KTN1: variants seen among roughly 807,000 people sequenced by gnomAD.
KTN1 encodes kinectin 1, also known as kinectin.
Under a neutral mutation model 222.5 loss-of-function variants are expected in KTN1, and 130 were observed. That is an observed-to-expected ratio of 0.58 (90% CI 0.51 to 0.68). KTN1 has a LOEUF of 0.68. Among genes scored for constraint, KTN1 ranks in the 30% least tolerant of loss-of-function variants. The pLI is 0.00. For missense variants in KTN1, 1,508 were observed against 1,500.4 expected, an observed-to-expected ratio of 1.01 and a Z score of -0.08; for synonymous variants, 512 against 496.3, an observed-to-expected ratio of 1.03 and a Z score of -0.42.
At chr14:55,678,742 C>A (rs1013026550) in intron 42 of KTN1, 1 of 304,116 alleles carries the variant, frequency 3.3e-6, no homozygotes, top group Non-Finnish European at 6.2e-6. Context: ...GGGTGAATGA[C>A]CATTGCCGCC....
chr14:55,620,133 C>G (rs2038943352), intron 5 of KTN1, among the ~76,000 whole-genome samples: 1 of 152,194 alleles, frequency 6.6e-6, no homozygotes, highest in Non-Finnish European at 1.5e-5. Context: ...AATCTTAAAG[C>G]TCCAATATGA....
chr14:55,591,239 AC>A (rs1385568390), intron 1 of KTN1, among the ~76,000 whole-genome samples: 1 of 152,172 alleles, frequency 6.6e-6, no homozygotes, highest in East Asian at 1.9e-4. Flanking sequence ...TATCAGGTAT[AC>A]TATTCCATGC....
rs192680645 is a variant in KTN1, at chr14:55,609,509, A to G, written c.-30-2510A>G. On this transcript the variant is annotated intron_variant, in intron 1 of 43. Transcript: ENST00000395314. ...GAAAGCTTGATTCCTTCACGCCTAT[A>G]TATGGGACCTGGGAAAGGAAACTAG... 4.3e-4 allele frequency among the ~76,000 whole-genome samples: 66 copies of G among 152,318 alleles called. 1 individual carries two copies. Among genetic ancestry groups the G allele is most frequent in the Middle Eastern group, 3.4e-3 (1 of 294 alleles).
intron 1 of KTN1, among the ~76,000 whole-genome samples, chr14:55,611,225 T>TACAG (rs1178365084): frequency 6.6e-6 from 1 of 151,630 alleles, no homozygotes; most frequent in Non-Finnish European, 1.5e-5. Flanking sequence ...TAGCTGGGAC[T>TACAG]ACAGGCTCAC....
At chr14:55,677,505 A>T (rs1338202239) in intron 41 of KTN1, among the ~76,000 whole-genome samples, 1 of 151,890 alleles carries the variant, frequency 6.6e-6, no homozygotes, top group African/African-American at 2.4e-5. Flanking sequence ...AGTTAATAAC[A>T]TACTTTGTAA....
chr14:55,593,460 G>T (rs374236589), intron 1 of KTN1, among the ~76,000 whole-genome samples: 1 of 77,910 alleles, frequency 1.3e-5, no homozygotes, highest in Admixed American at 1.3e-4. Flanking sequence ...AAAAAAAAAA[G>T]AAAACTTGTT....
intron 1 of KTN1, among the ~76,000 whole-genome samples, chr14:55,611,745 AT>A (rs1424613161): frequency 2.0e-5 from 3 of 152,104 alleles, no homozygotes; most frequent in South Asian, 4.1e-4. Flanking sequence ...GAATATTTAA[AT>A]TTTTTCTCTT....
chr14:55,683,874 CA>C (rs2046572304), intron 43 of KTN1, among the ~76,000 whole-genome samples: 3 of 152,082 alleles, frequency 2.0e-5, no homozygotes, highest in African/African-American at 7.2e-5. Context: ...TGTTTTCTAA[CA>C]GAATTTGGCT....
chr14:55,611,981 C>CT (rs1555363594), intron 1 of KTN1, 38 bp from the exon 2 acceptor site: 28,954 of 749,392 alleles, frequency 0.039, 1 homozygote, highest in Non-Finnish European at 0.043. Context: ...CTGACAGGTT[C>CT]TTTTTTTTTT....
rs2041488106 is a variant in KTN1 at position 55,639,200 on chromosome 14, C to G, written c.1801C>G (p.Leu601Val). 1.2e-6 allele frequency: 2 copies of G among 1,604,748 alleles called. No homozygotes were observed. The highest frequency in any genetic ancestry group is 1.7e-6 in the Non-Finnish European group (2 of 1,172,134). The change falls in exon 13 of 44, where the codon CTA becomes GTA. Residue 601 changes from leucine to valine, a missense_variant. Physicochemically the swap from Leu to Val is conservative, Grantham distance 32. Coordinates refer to ENST00000395314, the MANE Select transcript of KTN1 (RefSeq NM_001079521.2). ...TCTTTCTTAGACCTCCGCTTCAGTT[C>G]TAGCAGAAGAATTACATAAAGTGTA... ...QIAAQTSASV[L>V]AEELHKVIAE...
chr14:55,646,429 T>C (rs2141050728), intron 18 of KTN1, among the ~76,000 whole-genome samples: 1 of 120,370 alleles, frequency 8.3e-6, no homozygotes, highest in South Asian at 2.9e-4. Context: ...TTTCTTTCCT[T>C]CCTTTCCTTT....
At chr14:55,623,537 G>A (rs1443264023) in intron 5 of KTN1, among the ~76,000 whole-genome samples, 1 of 152,092 alleles carries the variant, frequency 6.6e-6, no homozygotes, top group Non-Finnish European at 1.5e-5. Context: ...TGCCTGGCTA[G>A]TTTTTGTATT....
chr14:55,675,217 C>A (rs557912874), intron 40 of KTN1: 2 of 152,300 alleles, frequency 1.3e-5, no homozygotes, highest in South Asian at 4.1e-4. Flanking sequence ...ATTGGAAAAT[C>A]AGAGAAGCGG....
chr14:55,640,087 A>G, intron 14 of KTN1, 84 bp downstream of exon 14: 2 of 838,264 alleles, frequency 2.4e-6, no homozygotes, highest in East Asian at 2.5e-5. Flanking sequence ...GTAAGTGTAT[A>G]TGAAAAATGG....
At chr14:55,671,540 G>A in intron 35 of KTN1, 26 bp from the exon 36 acceptor site, 1 of 1,561,354 alleles carries the variant, frequency 6.4e-7, no homozygotes, top group African/African-American at 1.4e-5. Context: ...GAATTATGGA[G>A]TTTTTCTTTA....
chr14:55,611,041 G>A (rs542612985), intron 1 of KTN1, among the ~76,000 whole-genome samples: 1 of 152,114 alleles, frequency 6.6e-6, no homozygotes, highest in Non-Finnish European at 1.5e-5. Context: ...GTGCAGTATG[G>A]GGTGCCTTTA....
At chr14:55,601,690 T>C (rs1217530082) in intron 1 of KTN1, 5 of 152,232 alleles carry the variant, frequency 3.3e-5, no homozygotes, top group African/African-American at 1.2e-4. Context: ...TTTAAACATA[T>C]AGAACTATGT....
At chr14:55,620,230 T>C (rs1289109554) in intron 5 of KTN1, among the ~76,000 whole-genome samples, 1 of 152,124 alleles carries the variant, frequency 6.6e-6, no homozygotes, top group African/African-American at 2.4e-5. Flanking sequence ...CCCCTGTGGC[T>C]TTACAGGGTA....
intron 1 of KTN1, among the ~76,000 whole-genome samples, chr14:55,586,958 A>C (rs574005328): frequency 6.6e-6 from 1 of 152,202 alleles, no homozygotes; most frequent in East Asian, 1.9e-4. Flanking sequence ...CTCTGACCCT[A>C]CCTAAAAATG....
Sources: gnomAD v4.1 joint callset for allele counts (sites outside exome capture counted in the v4.1 genomes callset) on GRCh38, gnomAD v4.1.1 for gene constraint, MANE v1.5 for transcripts, NCBI Gene and HGNC (gene_info 2026-07-23, HGNC 2026-07-21) for gene names.